SNTG1: variants seen among roughly 807,000 people sequenced by gnomAD.
The protein encoded by SNTG1 is syntrophin gamma 1, also known as gamma-1-syntrophin.
A neutral mutation model predicts 74.7 loss-of-function variants in SNTG1; 39 were observed. The ratio of observed to expected loss-of-function variants is 0.52; its 90% CI spans 0.40 to 0.68. The LOEUF is 0.68. Among genes scored for constraint, SNTG1 ranks in the 30% least tolerant of loss-of-function variants. The probability of loss-of-function intolerance (pLI) is 0.00; values close to 1 mark genes in which losing one functional copy is unlikely to be tolerated. For synonymous variants in SNTG1, 254 were observed against 217.1 expected, an observed-to-expected ratio of 1.17 and a Z score of -1.49; for missense variants, 685 against 609.5, an observed-to-expected ratio of 1.12 and a Z score of -1.30.
At chr8:50,461,642 G>T (rs997210273) in intron 8 of SNTG1, among the ~76,000 whole-genome samples, 3 of 152,022 alleles carry the variant, frequency 2.0e-5, no homozygotes. Flanking sequence ...CCAGTTTTGG[G>T]TATTGGGAAC....
intron 1 of SNTG1, among the ~76,000 whole-genome samples, chr8:50,167,746 G>C (rs1048849530): frequency 6.7e-6 from 1 of 150,180 alleles, no homozygotes; most frequent in Admixed American, 6.6e-5. Flanking sequence ...CTGGCAATTC[G>C]AGGTTGCAGT....
chr8:50,424,062 G>T (rs534039953), intron 4 of SNTG1, among the ~76,000 whole-genome samples: 2 of 152,224 alleles, frequency 1.3e-5, no homozygotes, highest in African/African-American at 4.8e-5. Flanking sequence ...TTCTTCCCCA[G>T]TATCTAGCCC....
intron 2 of SNTG1, among the ~76,000 whole-genome samples, chr8:50,263,953 C>T (rs978507069): frequency 1.3e-5 from 2 of 152,140 alleles, no homozygotes; most frequent in East Asian, 1.9e-4. Flanking sequence ...AGCTTCAATA[C>T]ATGTAAGAAA....
intron 1 of SNTG1, among the ~76,000 whole-genome samples, chr8:50,026,173 G>C (rs935163414): frequency 2.0e-5 from 3 of 152,112 alleles, no homozygotes; most frequent in African/African-American, 7.2e-5. Context: ...AAGCTATATT[G>C]TTACCAAGCT....
At chr8:50,612,933 G>A (rs760840365) in intron 13 of SNTG1, among the ~76,000 whole-genome samples, 11 of 151,994 alleles carry the variant, frequency 7.2e-5, no homozygotes, top group African/African-American at 1.7e-4. Context: ...TCAATTCTTC[G>A]GTGGTTAAAG....
At chr8:50,316,225 C>T (rs76741218) in intron 2 of SNTG1, among the ~76,000 whole-genome samples, 19,426 of 151,966 alleles carry the variant, frequency 0.13, 1,286 homozygotes, top group Middle Eastern at 0.16. Context: ...TTGGTAAACA[C>T]GGTAGAATCC....
intron 2 of SNTG1, among the ~76,000 whole-genome samples, chr8:50,231,195 T>G (rs552116389): frequency 2.0e-5 from 3 of 151,170 alleles, no homozygotes; most frequent in Non-Finnish European, 4.5e-5. Context: ...TGGCCTTATT[T>G]GTATTAGAAT....
chr8:50,744,436 G>A (rs1381585900), intron 17 of SNTG1, among the ~76,000 whole-genome samples: 1 of 151,782 alleles, frequency 6.6e-6, no homozygotes, highest in Non-Finnish European at 1.5e-5. Flanking sequence ...CAATATAAAA[G>A]AAACAACATC....
intron 1 of SNTG1, among the ~76,000 whole-genome samples, chr8:49,922,715 T>C (rs561186413): frequency 2.6e-5 from 4 of 152,158 alleles, no homozygotes; most frequent in Non-Finnish European, 5.9e-5. Flanking sequence ...TGGTCATGAA[T>C]AATTATCTGG....
At chr8:50,265,352 T>A (rs1374520900) in intron 2 of SNTG1, among the ~76,000 whole-genome samples, 2 of 152,132 alleles carry the variant, frequency 1.3e-5, no homozygotes, top group Non-Finnish European at 2.9e-5. Flanking sequence ...ATACATCATA[T>A]TATTGGAATA....
intron 2 of SNTG1, among the ~76,000 whole-genome samples, chr8:50,368,466 G>T (rs1283636867): frequency 2.0e-5 from 3 of 152,166 alleles, no homozygotes; most frequent in African/African-American, 7.2e-5. Flanking sequence ...AACTGGAGAA[G>T]TCTGTTCTGG....
chr8:50,546,182 G>T (rs188566686), intron 11 of SNTG1, among the ~76,000 whole-genome samples: 32 of 152,182 alleles, frequency 2.1e-4, no homozygotes, highest in Middle Eastern at 3.4e-3. Flanking sequence ...CTGAGGAGCA[G>T]TGATTAATTT....
chr8:50,511,563 G>A (rs929365916), intron 9 of SNTG1, among the ~76,000 whole-genome samples: 2 of 152,052 alleles, frequency 1.3e-5, no homozygotes, highest in African/African-American at 2.4e-5. Flanking sequence ...TCTCTTTGTA[G>A]GTCTCTAAGG....
chr8:50,518,333 A>C (rs2094151151), intron 9 of SNTG1, among the ~76,000 whole-genome samples: 1 of 152,200 alleles, frequency 6.6e-6, no homozygotes, highest in African/African-American at 2.4e-5. Flanking sequence ...TTATAGCACT[A>C]ATTGCCCACA....
rs970110882 is a variant in SNTG1, at chr8:50,120,335, C to T, written c.-102-52226C>T. Among the ~76,000 whole-genome samples the T allele has an allele frequency of 2.9e-5, 4 of 140,130 alleles. 1 individual carries two copies. 91.9% of individuals were successfully genotyped at this position (140,130 alleles called of 152,430 possible). On this transcript the variant is annotated intron_variant, in intron 1 of 18. Transcript: ENST00000642720. Reference sequence around the variant, plus strand: ...ACCACTACTGAAACTACCAGTGTTACTACGATCACGACTACTGCCACTAAT... The same window carrying T: ...ACCACTACTGAAACTACCAGTGTTATTACGATCACGACTACTGCCACTAAT...
chr8:50,664,875 T>G (rs545526695), intron 15 of SNTG1, among the ~76,000 whole-genome samples: 10 of 152,286 alleles, frequency 6.6e-5, no homozygotes, highest in East Asian at 1.9e-4. Context: ...AGATGAGCAG[T>G]GTATCATTTG....
At chr8:50,474,956 T>G (rs543589552) in intron 8 of SNTG1, among the ~76,000 whole-genome samples, 197 of 151,784 alleles carry the variant, frequency 1.3e-3, no homozygotes, top group Non-Finnish European at 1.9e-3. Context: ...AAACCATCAT[T>G]CTGAGCAAAC....
chr8:50,447,144 G>T (rs184905677), intron 5 of SNTG1, among the ~76,000 whole-genome samples: 170 of 152,298 alleles, frequency 1.1e-3, no homozygotes, highest in African/African-American at 3.8e-3. Flanking sequence ...GTTGAGGAAA[G>T]AATGGGATTA....
chr8:50,149,089 T>C (rs1329841203), intron 1 of SNTG1, among the ~76,000 whole-genome samples: 1 of 152,254 alleles, frequency 6.6e-6, no homozygotes, highest in African/African-American at 2.4e-5. Flanking sequence ...TGATCACCAT[T>C]CTAACTGGTG....
Sources: gnomAD v4.1 joint callset for allele counts (sites outside exome capture counted in the v4.1 genomes callset) on GRCh38, gnomAD v4.1.1 for gene constraint, MANE v1.5 for transcripts, NCBI Gene and HGNC (gene_info 2026-07-23, HGNC 2026-07-21) for gene names.